Variants in ARHGAP20 observed in about 807,000 individuals in gnomAD.
ARHGAP20 encodes rho GTPase-activating protein 20.
Under a neutral mutation model 73.7 loss-of-function variants are expected in ARHGAP20, and 34 were observed. The observed-to-expected ratio is 0.46, with a 90% CI of 0.35 to 0.61. The LOEUF is 0.61. Among genes scored for constraint, ARHGAP20 ranks in the 20% least tolerant of loss-of-function variants. ARHGAP20 has a pLI of 0.00. For synonymous variants in ARHGAP20, 523 were observed against 518.2 expected, an observed-to-expected ratio of 1.01 and a Z score of -0.13; for missense variants, 1,314 against 1,420.9, an observed-to-expected ratio of 0.92 and a Z score of 1.21.
intron 13 of ARHGAP20, 52 bp downstream of exon 13, chr11:110,583,496 T>G: frequency 7.0e-7 from 1 of 1,428,152 alleles, no homozygotes; most frequent in Middle Eastern, 1.9e-4. Flanking sequence ...AAATTTCAGT[T>G]TCAAAACGGG....
At position 110,577,158 on chromosome 11, in the gene ARHGAP20, A is replaced by G; in HGVS notation, c.*2212T>C. ...TTAAAAGTTAGCAGCAGTTTCTGCA[A>G]GTACAAAAATACACATTTATTACAT... On this transcript the variant is annotated 3_prime_UTR_variant, in exon 15 of 15. Transcript: ENST00000683387. The G allele has an allele frequency of 1.3e-6, 2 of 1,534,874 alleles. No individual in the cohort carries two copies. Among genetic ancestry groups the G allele is most frequent in the Admixed American group, 3.9e-5 (2 of 50,822 alleles).
intron 2 of ARHGAP20, among the ~76,000 whole-genome samples, chr11:110,662,080 A>G (rs1476177628): frequency 6.6e-6 from 1 of 151,978 alleles, no homozygotes; most frequent in Non-Finnish European, 1.5e-5. Flanking sequence ...CTACAGCTAT[A>G]TCATTATGTG....
intron 11 of ARHGAP20, among the ~76,000 whole-genome samples, chr11:110,588,196 G>T (rs116473385): frequency 0.018 from 2,802 of 152,268 alleles, 75 homozygotes; most frequent in African/African-American, 0.058. Flanking sequence ...TGTGAGAGCC[G>T]ATTCTGCACT....
At chr11:110,682,521 G>T (rs749002741) in intron 2 of ARHGAP20, among the ~76,000 whole-genome samples, 1 of 152,096 alleles carries the variant, frequency 6.6e-6, no homozygotes, top group African/African-American at 2.4e-5. Context: ...AGACACCTGG[G>T]TTCTGGTCCT....
chr11:110,593,874 G>GACTCC (rs1174184488), intron 9 of ARHGAP20, among the ~76,000 whole-genome samples: 1 of 152,244 alleles, frequency 6.6e-6, no homozygotes, highest in African/African-American at 2.4e-5. Flanking sequence ...CTCATGGCTT[G>GACTCC]ACTCCATTTT....
At chr11:110,699,025 TTCTA>T (rs138120750) in intron 1 of ARHGAP20, among the ~76,000 whole-genome samples, 5 of 152,088 alleles carry the variant, frequency 3.3e-5, no homozygotes, top group Non-Finnish European at 7.4e-5. Context: ...TTTAAGATCT[TTCTA>T]TCTTTTTGGT....
At chr11:110,590,029 G>A (rs1282580537) in intron 11 of ARHGAP20, among the ~76,000 whole-genome samples, 1 of 151,254 alleles carries the variant, frequency 6.6e-6, no homozygotes, top group Non-Finnish European at 1.5e-5. Context: ...GCTGAGGCAG[G>A]AGAATCACTT....
At chr11:110,623,901 T>A (rs1392304355) in intron 4 of ARHGAP20, among the ~76,000 whole-genome samples, 2 of 152,200 alleles carry the variant, frequency 1.3e-5, no homozygotes. Flanking sequence ...CCAAGGTACA[T>A]AATCCCAAGA....
At chr11:110,651,163 G>C (rs1221065668) in intron 2 of ARHGAP20, among the ~76,000 whole-genome samples, 3 of 152,136 alleles carry the variant, frequency 2.0e-5, no homozygotes, top group African/African-American at 7.2e-5. Flanking sequence ...AATTGAGGCA[G>C]AATCAAGAAG....
At chr11:110,646,960 C>CA (rs1016139719) in intron 2 of ARHGAP20, among the ~76,000 whole-genome samples, 5 of 151,072 alleles carry the variant, frequency 3.3e-5, no homozygotes, top group African/African-American at 9.7e-5. Context: ...AGAAAATTTT[C>CA]AAAAAAAATA....
At chr11:110,658,590 G>C (rs947771537) in intron 2 of ARHGAP20, among the ~76,000 whole-genome samples, 1 of 152,002 alleles carries the variant, frequency 6.6e-6, no homozygotes, top group South Asian at 2.1e-4. Context: ...ATGTGAGAAG[G>C]AAAGCAGACA....
chr11:110,578,667 C>T lies in ARHGAP20; in HGVS notation c.*703G>A, dbSNP rs986842129. On this transcript the variant is annotated 3_prime_UTR_variant, in exon 15 of 15. Transcript: ENST00000683387. ...CTCCTCACAACTCTGTTTCCTGAAG[C>T]CTTGCAAAGCACTTCAACATGAATG... 3.0e-6 allele frequency: 3 copies of T among 985,266 alleles called. No individual in the cohort carries two copies. The highest frequency in any genetic ancestry group is 3.6e-6 in the Non-Finnish European group (3 of 829,938). The allele number at this position is 985,266 out of a possible 1,614,324, so 61.0% of individuals were successfully genotyped here.
At chr11:110,697,586 C>T (rs1285869246) in intron 1 of ARHGAP20, among the ~76,000 whole-genome samples, 6 of 151,556 alleles carry the variant, frequency 4.0e-5, no homozygotes, top group Admixed American at 1.3e-4. Context: ...AATTAAATCC[C>T]ATTTGTCTAT....
At chr11:110,619,478 A>G (rs938750805) in intron 4 of ARHGAP20, among the ~76,000 whole-genome samples, 5 of 151,504 alleles carry the variant, frequency 3.3e-5, no homozygotes, top group African/African-American at 1.2e-4. Context: ...GTAGTGATAG[A>G]GTATATGCAG....
intron 9 of ARHGAP20, among the ~76,000 whole-genome samples, chr11:110,603,667 A>G (rs535017879): frequency 6.6e-6 from 1 of 152,176 alleles, no homozygotes; most frequent in African/African-American, 2.4e-5. Context: ...CCATTTCACT[A>G]TGCAACTGAA....
At chr11:110,586,379 G>A (rs992631494) in intron 11 of ARHGAP20, 54 bp from the exon 12 acceptor site, 1 of 1,126,914 alleles carries the variant, frequency 8.9e-7, no homozygotes, top group African/African-American at 1.6e-5. Context: ...TGCCAAATAT[G>A]TATTAGAGAA....
At chr11:110,615,284 A>G (rs997741519) in intron 5 of ARHGAP20, among the ~76,000 whole-genome samples, 3 of 152,184 alleles carry the variant, frequency 2.0e-5, no homozygotes, top group African/African-American at 7.2e-5. Context: ...GGAAAGAGAG[A>G]GGAGATTATT....
At position 110,702,374 on chromosome 11, in the gene ARHGAP20, T is replaced by A. The variant is rs540411000; in HGVS notation, c.105+9753A>T. Among the ~76,000 whole-genome samples the A allele has an allele frequency of 1.3e-4, 20 of 152,254 alleles. 1 individual carries two copies. The South Asian group carries it at 4.1e-3, about 32-fold the overall frequency. Reference sequence around the variant, plus strand: ...AAACTCTCAATAAATTAGGAATTGATGGGATGTATCTCAAAATAATAAGAG... The same window carrying A: ...AAACTCTCAATAAATTAGGAATTGAAGGGATGTATCTCAAAATAATAAGAG... On this transcript the variant is annotated intron_variant, in intron 1 of 14. Coordinates refer to ENST00000683387, the MANE Select transcript of ARHGAP20 (RefSeq NM_001384657.1).
chr11:110,638,885 G>C (rs1949023133), intron 2 of ARHGAP20, among the ~76,000 whole-genome samples: 1 of 151,922 alleles, frequency 6.6e-6, no homozygotes, highest in Admixed American at 6.6e-5. Context: ...AGCATTAGGA[G>C]ATATACCTAA....
Sources: allele counts gnomAD v4.1 joint callset (sites outside exome capture counted in the v4.1 genomes callset), GRCh38; gene constraint gnomAD v4.1.1; transcripts MANE v1.5; gene names NCBI Gene and HGNC (gene_info 2026-07-23, HGNC 2026-07-21).